Variants in ZDHHC11B observed in about 807,000 individuals in gnomAD.
ZDHHC11B encodes the protein zDHHC palmitoyltransferase 11B (putative), also known as probable palmitoyltransferase ZDHHC11B.
In ZDHHC11B, 17 loss-of-function variants were observed where a neutral mutation model predicts 42.3. That is an observed-to-expected ratio of 0.40 (90% CI 0.27 to 0.60). The LOEUF (loss-of-function observed/expected upper bound fraction) is 0.60, where lower values mean the gene tolerates loss of function less well. Among genes scored for constraint, ZDHHC11B ranks in the 20% least tolerant of loss-of-function variants. The probability of loss-of-function intolerance (pLI) is 0.41; values close to 1 mark genes in which losing one functional copy is unlikely to be tolerated. For synonymous variants in ZDHHC11B, 123 were observed against 193.5 expected, an observed-to-expected ratio of 0.64 and a Z score of 3.02; for missense variants, 262 against 463.2, an observed-to-expected ratio of 0.57 and a Z score of 3.99.
At chr5:736,617 T>C (rs1201950551) in intron 10 of ZDHHC11B, among the ~76,000 whole-genome samples, 1 of 143,224 alleles carries the variant, frequency 7.0e-6, no homozygotes, top group Non-Finnish European at 1.5e-5. Context: ...TTACATCAAG[T>C]ATCTTTTCAG....
At chr5:746,684 T>C (rs1327734697) in intron 8 of ZDHHC11B, among the ~76,000 whole-genome samples, 4 of 150,342 alleles carry the variant, frequency 2.7e-5, no homozygotes, top group African/African-American at 9.7e-5. Context: ...GCCACACTTG[T>C]TTGTGTCTCA....
intron 4 of ZDHHC11B, among the ~76,000 whole-genome samples, chr5:760,471 G>GTGCAGC (rs1452226314): frequency 6.6e-6 from 1 of 151,648 alleles, no homozygotes; most frequent in African/African-American, 2.4e-5. Flanking sequence ...GGGGAGCAGT[G>GTGCAGC]TGCAGCCAGC....
chr5:726,083 A>AC (rs5865340), intron 12 of ZDHHC11B, among the ~76,000 whole-genome samples: 49,507 of 117,366 alleles, frequency 0.42, 9,135 homozygotes, highest in African/African-American at 0.5. Flanking sequence ...CCCACAGCAA[A>AC]ACGCAGACCA....
intron 7 of ZDHHC11B, among the ~76,000 whole-genome samples, chr5:748,966 C>CCTCA (rs138003613): frequency 0.1 from 6,121 of 59,022 alleles, 343 homozygotes; most frequent in East Asian, 0.31. Flanking sequence ...CCTACCCCTT[C>CCTCA]CTAAGTGCTG....
chr5:725,048 C>T (rs1308085076), intron 12 of ZDHHC11B, among the ~76,000 whole-genome samples: 2 of 150,778 alleles, frequency 1.3e-5, no homozygotes, highest in Non-Finnish European at 1.5e-5. Context: ...AGGCTGAAGT[C>T]CTAACCCCAG....
Position 765,586 on chromosome 5 carries a change from C to CT in ZDHHC11B, c.222+1111_222+1112insA, listed in dbSNP as rs777750295. On this transcript the variant is annotated intron_variant, in intron 4 of 13. Transcript: ENST00000508859. ...GGGAATAAAAGCAGGCTGCTCAAGC[C>CT]AGTAGCAGCAAACTGCTTGGGTTCT... Among the ~76,000 whole-genome samples, 24 of 151,884 alleles carry CT rather than the reference C, an allele frequency of 1.6e-4. 1 individual carries two copies. Among genetic ancestry groups the CT allele is most frequent in the Non-Finnish European group, 2.5e-4 (17 of 67,940 alleles).
At chr5:728,062 A>G (rs11745803) in intron 12 of ZDHHC11B, among the ~76,000 whole-genome samples, 42,531 of 133,752 alleles carry the variant, frequency 0.32, 5,462 homozygotes, top group Non-Finnish European at 0.37. Flanking sequence ...AGAGCACTTA[A>G]TATCGACAAT....
intron 4 of ZDHHC11B, among the ~76,000 whole-genome samples, chr5:766,166 C>T (rs1363963293): frequency 6.6e-6 from 1 of 151,802 alleles, no homozygotes; most frequent in Non-Finnish European, 1.5e-5. Flanking sequence ...CAGGCTCCCA[C>T]CCGCTGGAAG....
At position 725,850 on chromosome 5, in the gene ZDHHC11B, A is replaced by G. The variant is rs1211059578; in HGVS notation, c.1058+4584T>C. Among the ~76,000 whole-genome samples, 4 of 152,396 alleles carry G rather than the reference A, an allele frequency of 2.6e-5. No individual in the cohort carries two copies. The East Asian group carries it at 7.7e-4, about 29-fold the overall frequency. ...GGAGGCTGCGTGAGTGCTCAGGAGT[A>G]TACTACACAACAGACACCACCTGGG... is the stretch of plus-strand genomic sequence containing the variant. On this transcript the variant is annotated intron_variant, in intron 12 of 13. Coordinates refer to ENST00000508859, the MANE Select transcript of ZDHHC11B (RefSeq NM_001351303.2).
Position 738,869 on chromosome 5 carries a change from C to A in ZDHHC11B, c.935+2725G>T, listed in dbSNP as rs141861518. ...GAAAAACTTTTCTAGGCATTGACTT[C>A]AGCAAAGAGCTCATGACGAAGAATC... On this transcript the variant is annotated intron_variant, in intron 10 of 13. Coordinates refer to ENST00000508859, the MANE Select transcript of ZDHHC11B (RefSeq NM_001351303.2). Among the ~76,000 whole-genome samples the A allele has an allele frequency of 5.2e-4, 78 of 150,960 alleles. 1 individual carries two copies. The highest frequency in any genetic ancestry group is 1.8e-3 in the African/African-American group (75 of 40,840).
intron 13 of ZDHHC11B, 96 bp downstream of exon 13, chr5:716,705 A>G: frequency 6.7e-7 from 1 of 1,482,374 alleles, no homozygotes; most frequent in Non-Finnish European, 9.4e-7. Flanking sequence ...CCAGCCCTTG[A>G]GTTTGCACTG....
chr5:776,196 G>A (rs1263990468), intron 1 of ZDHHC11B, among the ~76,000 whole-genome samples: 1 of 151,602 alleles, frequency 6.6e-6, no homozygotes, highest in African/African-American at 2.4e-5. Context: ...GAAACCCTAG[G>A]GCCAGACCCC....
Position 744,321 on chromosome 5 carries a change from T to C in ZDHHC11B, c.900+862A>G, listed in dbSNP as rs1242450633. On this transcript the variant is annotated intron_variant, in intron 9 of 13. Coordinates refer to ENST00000508859, the MANE Select transcript of ZDHHC11B (RefSeq NM_001351303.2). ...TCAGGTTGATAGTGGCATTGCTGAA[T>C]GAGTTGGGAAGTGTTGCTTCCTTCT... Among the ~76,000 whole-genome samples the C allele has an allele frequency of 5.3e-5, 8 of 149,668 alleles. 3 individuals carry two copies. In the Admixed American group the frequency reaches 5.4e-4, roughly 10 times the overall value.
chr5:732,042 C>A (rs781520162), intron 11 of ZDHHC11B: 1 of 152,296 alleles, frequency 6.6e-6, no homozygotes, highest in Non-Finnish European at 1.5e-5. Context: ...TTCCATTCAT[C>A]GAGTCAGGGT....
At chr5:721,497 G>A (rs1190901809) in intron 12 of ZDHHC11B, among the ~76,000 whole-genome samples, 1 of 151,372 alleles carries the variant, frequency 6.6e-6, no homozygotes, top group Non-Finnish European at 1.5e-5. Context: ...CTTCCTTACT[G>A]AGTAATAGAG....
chr5:752,040 A>C lies in ZDHHC11B; in HGVS notation c.504-783T>G, dbSNP rs1745845068. ...CGCACCTCCCGACTCCACCTGATGC[A>C]GACAGGCCTCCCTACCAGCCAAGGA... is the stretch of plus-strand genomic sequence containing the variant. On this transcript the variant is annotated intron_variant, in intron 6 of 13. Transcript: ENST00000508859. Among the ~76,000 whole-genome samples, 2 of 124,484 alleles carry C rather than the reference A, an allele frequency of 1.6e-5. 1 individual carries two copies. Among genetic ancestry groups the C allele is most frequent in the East Asian group, 6.9e-4 (2 of 2,914 alleles). The allele number at this position is 124,484 out of a possible 152,430, so 81.7% of individuals were successfully genotyped here. A position where few individuals can be genotyped will look rare whatever the true frequency, so the allele number is the denominator to read the frequency against.
At chr5:729,012 C>CAAAA (rs751272226) in intron 12 of ZDHHC11B, among the ~76,000 whole-genome samples, 1 of 134,886 alleles carries the variant, frequency 7.4e-6, no homozygotes, top group Non-Finnish European at 1.6e-5. Flanking sequence ...GACCCTGTCT[C>CAAAA]AAAAAAAAAA....
rs561730689 is a variant in ZDHHC11B, at chr5:756,293, G to T, written c.223-149C>A. ...CGTGAGCCCAGCTCACCCAGGCCTG[G>T]CCCTGCTCACATGGCCCTGCTTGTC... On this transcript the variant is annotated intron_variant, in intron 4 of 13. Transcript: ENST00000508859. 6 of 1,299,848 alleles carry T rather than the reference G, an allele frequency of 4.6e-6. 1 individual carries two copies. In the South Asian group the frequency reaches 8.7e-5, roughly 19 times the overall value. The allele number at this position is 1,299,848 out of a possible 1,614,324, so 80.5% of individuals were successfully genotyped here.
chr5:724,371 A>ATTTTTTTTTTT (rs386402805), intron 12 of ZDHHC11B, among the ~76,000 whole-genome samples: 4 of 81,418 alleles, frequency 4.9e-5, no homozygotes, highest in South Asian at 4.9e-4. Context: ...AACCCAGCTA[A>ATTTTTTTTTTT]TTTTTTTTTT....
Sources: allele counts gnomAD v4.1 joint callset (sites outside exome capture counted in the v4.1 genomes callset), GRCh38; gene constraint gnomAD v4.1.1; transcripts MANE v1.5; gene names NCBI Gene and HGNC (gene_info 2026-07-23, HGNC 2026-07-21).